BMPR1B: variants seen among roughly 807,000 people sequenced by gnomAD.
BMPR1B encodes bone morphogenetic protein receptor type-1B.
In BMPR1B, 12 loss-of-function variants were observed where a neutral mutation model predicts 59.1. The observed-to-expected ratio is 0.20, with a 90% CI of 0.13 to 0.33. The LOEUF is 0.33. Ranked by LOEUF, BMPR1B falls within the 10% of genes least tolerant of loss-of-function variation. BMPR1B has a pLI of 1.00. For synonymous variants in BMPR1B, 237 were observed against 207.3 expected (o/e 1.14, Z -1.23); for missense variants, 550 against 610.9 (o/e 0.90, Z 1.05).
intron 8 of BMPR1B, among the ~76,000 whole-genome samples, chr4:95,126,512 T>C (rs550563179): frequency 1.3e-5 from 2 of 152,310 alleles, no homozygotes; most frequent in East Asian, 1.9e-4. Context: ...TATAAGGTAG[T>C]ACCAGAAATA....
chr4:95,131,646 A>G, intron 10 of BMPR1B, 134 bp downstream of exon 10: 1 of 1,051,160 alleles, frequency 9.5e-7, no homozygotes, highest in Non-Finnish European at 1.4e-6. Flanking sequence ...GAGAACCACC[A>G]AACATTTTAT....
At chr4:95,020,573 A>C (rs1231318135) in intron 3 of BMPR1B, among the ~76,000 whole-genome samples, 1 of 42,446 alleles carries the variant, frequency 2.4e-5, no homozygotes, top group Non-Finnish European at 5.2e-5. Flanking sequence ...ACAAGACTCC[A>C]TCTCAAAAAA....
intron 10 of BMPR1B, among the ~76,000 whole-genome samples, chr4:95,133,150 A>G (rs1733498967): frequency 6.6e-6 from 1 of 152,008 alleles, no homozygotes; most frequent in African/African-American, 2.4e-5. Flanking sequence ...CAATATTCCC[A>G]TTTGTACTGG....
intron 3 of BMPR1B, among the ~76,000 whole-genome samples, chr4:95,074,036 A>G (rs1342739857): frequency 2.6e-5 from 4 of 152,168 alleles, no homozygotes; most frequent in African/African-American, 9.6e-5. Context: ...TTTGAGTAAT[A>G]TAGACATACT....
chr4:95,082,122 A>T (rs1256940366), intron 3 of BMPR1B, among the ~76,000 whole-genome samples: 3 of 133,028 alleles, frequency 2.3e-5, no homozygotes, highest in Non-Finnish European at 4.8e-5. Context: ...TCCTAATGCT[A>T]TCCCTCCCCC....
intron 7 of BMPR1B, among the ~76,000 whole-genome samples, chr4:95,124,132 A>G (rs1161800060): frequency 1.3e-5 from 2 of 151,988 alleles, no homozygotes; most frequent in Non-Finnish European, 2.9e-5. Flanking sequence ...ACCCATATAA[A>G]TATTTTATCC....
Position 94,868,475 on chromosome 4 carries a change from G to A in BMPR1B, c.-182-7356G>A, listed in dbSNP as rs372949674. Among the ~76,000 whole-genome samples the A allele has an allele frequency of 2.0e-4, 31 of 152,268 alleles. No individual in the cohort carries two copies. In the East Asian group the frequency reaches 3.1e-3, roughly 15 times the overall value. Reference sequence around the variant, plus strand: ...CATGAACCTGTTACAGAGGTATTACGTGTCTGAATGCCTTACTTTTTTATT... The same window carrying A: ...CATGAACCTGTTACAGAGGTATTACATGTCTGAATGCCTTACTTTTTTATT... On this transcript the variant is annotated intron_variant, in intron 1 of 12. Coordinates refer to ENST00000515059, the MANE Select transcript of BMPR1B (RefSeq NM_001203.3).
chr4:95,140,174 G>T (rs1167762081), intron 10 of BMPR1B, among the ~76,000 whole-genome samples: 5 of 152,038 alleles, frequency 3.3e-5, no homozygotes, highest in Non-Finnish European at 1.5e-5. Context: ...CTACTTATTT[G>T]TCATTCCCAA....
At chr4:94,809,650 C>T (rs1349277125) in intron 1 of BMPR1B, among the ~76,000 whole-genome samples, 2 of 152,164 alleles carry the variant, frequency 1.3e-5, no homozygotes, top group South Asian at 2.1e-4. Context: ...TGTACTGCTC[C>T]ACCCCACCAA....
chr4:94,956,708 A>G (rs1238181953), intron 2 of BMPR1B, among the ~76,000 whole-genome samples: 6 of 152,200 alleles, frequency 3.9e-5, no homozygotes, highest in African/African-American at 1.4e-4. Flanking sequence ...TATAATATGA[A>G]TTATGGATCA....
intron 9 of BMPR1B, 94 bp downstream of exon 9, chr4:95,130,148 G>A (rs1292171107): frequency 1.9e-5 from 28 of 1,438,208 alleles, no homozygotes; most frequent in Non-Finnish European, 2.5e-5. Flanking sequence ...GTCTAGACCC[G>A]TTGCGAAATG....
At chr4:94,914,311 C>T (rs983140492) in intron 2 of BMPR1B, among the ~76,000 whole-genome samples, 5 of 152,070 alleles carry the variant, frequency 3.3e-5, no homozygotes, top group African/African-American at 9.7e-5. Context: ...ACCAGATTTA[C>T]GGGTGAAGCA....
chr4:95,104,746 A>G (rs187374177), intron 4 of BMPR1B, among the ~76,000 whole-genome samples, 179 bp downstream of exon 4: 2 of 152,216 alleles, frequency 1.3e-5, no homozygotes, highest in East Asian at 3.9e-4. Flanking sequence ...CCCTGAAACA[A>G]TGTTCTAAGC....
At chr4:94,779,960 C>T (rs1022027998) in intron 1 of BMPR1B, among the ~76,000 whole-genome samples, 2 of 152,054 alleles carry the variant, frequency 1.3e-5, no homozygotes, top group Non-Finnish European at 2.9e-5. Context: ...AAAAGTTCCC[C>T]CCCTTCCCTT....
chr4:94,789,579 C>A (rs1457923853), intron 1 of BMPR1B, among the ~76,000 whole-genome samples: 4 of 152,084 alleles, frequency 2.6e-5, no homozygotes, highest in Admixed American at 1.3e-4. Context: ...TGTCTAACAT[C>A]ATTTCCATAG....
intron 4 of BMPR1B, among the ~76,000 whole-genome samples, chr4:95,111,431 T>C (rs914362862): frequency 2.6e-5 from 4 of 152,084 alleles, no homozygotes; most frequent in Non-Finnish European, 2.9e-5. Flanking sequence ...TTGTAAACAC[T>C]ATATTCATGT....
At chr4:95,120,282 A>T (rs556337256) in intron 6 of BMPR1B, among the ~76,000 whole-genome samples, 1 of 152,204 alleles carries the variant, frequency 6.6e-6, no homozygotes, top group African/African-American at 2.4e-5. Context: ...ATGAGCAACT[A>T]CGTTGATTGT....
chr4:95,072,320 C>T (rs1021583406), intron 3 of BMPR1B, among the ~76,000 whole-genome samples: 82 of 152,180 alleles, frequency 5.4e-4, no homozygotes, highest in Non-Finnish European at 2.9e-5. Flanking sequence ...CATAAACACT[C>T]AGAATTATGT....
chr4:95,051,888 C>T, intron 3 of BMPR1B: 1 of 983,208 alleles, frequency 1.0e-6, no homozygotes, highest in Non-Finnish European at 1.5e-6. Context: ...CTATAAAGTT[C>T]CATCCCCCAT....
Sources: allele counts gnomAD v4.1 joint callset (sites outside exome capture counted in the v4.1 genomes callset), GRCh38; gene constraint gnomAD v4.1.1; transcripts MANE v1.5; gene names NCBI Gene and HGNC (gene_info 2026-07-23, HGNC 2026-07-21).